The following UGGT2 variants were observed in gnomAD, a reference collection of about 807,000 sequenced individuals.
UGGT2 encodes UDP-glucose:glycoprotein glucosyltransferase 2.
UGGT2 carries 180 observed loss-of-function variants against 192.1 expected under a neutral mutation model. The observed-to-expected ratio is 0.94, with a 90% confidence interval of 0.83 to 1.06. The LOEUF (loss-of-function observed/expected upper bound fraction) is 1.06, where lower values mean the gene tolerates loss of function less well. Among genes scored for constraint, UGGT2 ranks in the 50% least tolerant of loss-of-function variants. UGGT2 has a pLI of 0.00. For missense variants in UGGT2, 1,849 were observed against 1,795.7 expected (o/e 1.03, Z -0.54); for synonymous variants, 580 against 591.0 (o/e 0.98, Z 0.27).
Position 95,936,957 on chromosome 13 carries a change from A to G in UGGT2, c.1944T>C (p.Asp648=), listed in dbSNP as rs148701921. ...CTTCTCTTTGTAAATATACAGATGC[A>G]TCCATCATTCTTTGAAGAACAGCCA... is the stretch of plus-strand genomic sequence containing the variant. ...LKMAVLQRMM[D]ASVYLQREVF... Residue 648 remains aspartate (D), a synonymous_variant, in exon 17 of 39, where the codon GAT becomes GAC. Coordinates refer to ENST00000376747, the MANE Select transcript of UGGT2 (RefSeq NM_020121.4). 142 of 1,592,086 alleles carry G rather than the reference A, an allele frequency of 8.9e-5. No homozygotes were observed. In the African/African-American group the frequency reaches 1.7e-3, roughly 19 times the overall value.
intron 20 of UGGT2, among the ~76,000 whole-genome samples, chr13:95,908,410 T>C (rs1252860948): frequency 6.6e-6 from 1 of 152,092 alleles, no homozygotes; most frequent in Non-Finnish European, 1.5e-5. Flanking sequence ...ATCACAAAAA[T>C]ACTCCTCAAG....
rs1362389227 is a variant in UGGT2 at position 95,877,841 on chromosome 13, T to C, written c.3244A>G (p.Thr1082Ala). The change falls in exon 28 of 39, where the codon ACA becomes GCA. Residue 1082 changes from threonine to alanine, a missense_variant. By Grantham distance (58) the Thr-to-Ala change is moderately conservative. Transcript: ENST00000376747. Reference sequence around the variant, plus strand: ...AAGTATTCTAGTTCATATTCTGCTGTAACAGTTTTCTCAGTCTGTGGAGGA... The same window carrying C: ...AAGTATTCTAGTTCATATTCTGCTGCAACAGTTTTCTCAGTCTGTGGAGGA... Reference protein sequence around the residue: ...IHLKDTEKTVTAEYELEYLLL... With the variant: ...IHLKDTEKTVAAEYELEYLLL... 6.2e-7 allele frequency: 1 copy of C among 1,613,338 alleles called. No individual in the cohort carries two copies. Among genetic ancestry groups the C allele is most frequent in the Admixed American group, 1.7e-5 (1 of 59,960 alleles).
At chr13:95,850,575 C>T (rs1051239206) in intron 36 of UGGT2, among the ~76,000 whole-genome samples, 1 of 152,194 alleles carries the variant, frequency 6.6e-6, no homozygotes, top group Admixed American at 6.5e-5. Context: ...GACATGCTGG[C>T]AGAGATGGAG....
At chr13:95,936,672 C>A (rs1353679080) in intron 17 of UGGT2, among the ~76,000 whole-genome samples, 1 of 152,224 alleles carries the variant, frequency 6.6e-6, no homozygotes, top group African/African-American at 2.4e-5. Flanking sequence ...AACTCCTAAT[C>A]GAGGACAGTG....
At chr13:95,973,858 T>A (rs1042974229) in intron 10 of UGGT2, among the ~76,000 whole-genome samples, 2 of 152,192 alleles carry the variant, frequency 1.3e-5, no homozygotes, top group Non-Finnish European at 2.9e-5. Flanking sequence ...CTATCTCACA[T>A]GTTTGCTATA....
intron 38 of UGGT2, among the ~76,000 whole-genome samples, chr13:95,828,224 A>T (rs1886246816): frequency 6.6e-6 from 1 of 152,158 alleles, no homozygotes; most frequent in South Asian, 2.1e-4. Flanking sequence ...AGCAGGAAAG[A>T]TCTAAAATTG....
At chr13:95,932,311 T>TTGTGTGTGTGTGTGTGTGTGTGTG (rs67135742) in intron 17 of UGGT2, among the ~76,000 whole-genome samples, 9 of 139,508 alleles carry the variant, frequency 6.5e-5, no homozygotes, top group Non-Finnish European at 1.2e-4. Flanking sequence ...GGTATTTTAT[T>TTGTGTGTGTGTGTGTGTGTGTGTG]TGTGTGTGTG....
intron 28 of UGGT2, 43 bp downstream of exon 28, chr13:95,877,654 CA>C (rs1303397644): frequency 6.4e-7 from 1 of 1,567,354 alleles, no homozygotes; most frequent in East Asian, 2.3e-5. Context: ...ACAGAGAATT[CA>C]CCAAAACATC....
At chr13:95,998,597 C>G (rs1022169793) in intron 6 of UGGT2, among the ~76,000 whole-genome samples, 4 of 151,312 alleles carry the variant, frequency 2.6e-5, no homozygotes, top group African/African-American at 7.3e-5. Flanking sequence ...TGACATGAAC[C>G]AGGTAATAAA....
intron 4 of UGGT2, among the ~76,000 whole-genome samples, chr13:96,014,033 C>A (rs571406868): frequency 3.3e-5 from 5 of 152,170 alleles, no homozygotes; most frequent in Admixed American, 2.6e-4. Flanking sequence ...TTAGTAAATT[C>A]TATTTCACAA....
chr13:95,878,305 T>A (rs1227565883), intron 27 of UGGT2, among the ~76,000 whole-genome samples: 3 of 152,122 alleles, frequency 2.0e-5, no homozygotes, highest in Non-Finnish European at 2.9e-5. Flanking sequence ...AAGTTAATTT[T>A]AAAAAATAAA....
At chr13:95,895,008 G>C (rs924965640) in intron 23 of UGGT2, among the ~76,000 whole-genome samples, 172 bp downstream of exon 23, 2 of 152,014 alleles carry the variant, frequency 1.3e-5, no homozygotes, top group Non-Finnish European at 2.9e-5. Context: ...AACATCTACA[G>C]TTTTGTGATG....
chr13:95,940,277 CTA>C (rs541495486), intron 15 of UGGT2, among the ~76,000 whole-genome samples, 186 bp from the exon 16 acceptor site: 221 of 151,642 alleles, frequency 1.5e-3, no homozygotes, highest in African/African-American at 4.8e-3. Flanking sequence ...TTAAAATATT[CTA>C]TAGTTTTCAA....
chr13:95,913,499 T>TG (rs1416098432), intron 20 of UGGT2, among the ~76,000 whole-genome samples: 1 of 152,022 alleles, frequency 6.6e-6, no homozygotes, highest in Non-Finnish European at 1.5e-5. Flanking sequence ...TGCTCATCAC[T>TG]GGTCATCAGA....
chr13:95,947,068 T>C lies in UGGT2; in HGVS notation c.1646A>G (p.Asp549Gly), dbSNP rs750824279. Reference sequence around the variant, plus strand: ...TATAGAAATAAATGCTTCTGATATATCAAATTCTTCTGCAATATAGTTGAA... The same window carrying C: ...TATAGAAATAAATGCTTCTGATATACCAAATTCTTCTGCAATATAGTTGAA... ...RAFNYIAEEF[D>G]ISEAFISIVH... Residue 549 changes from aspartate to glycine, a missense_variant, in exon 15 of 39, where the codon GAT (aspartate) becomes GGT (glycine). Physicochemically the swap from Asp to Gly is moderately conservative, Grantham distance 94. Transcript: ENST00000376747. 1.2e-6 allele frequency: 2 copies of C among 1,607,294 alleles called. No homozygotes were observed. Among genetic ancestry groups the C allele is most frequent in the African/African-American group, 1.3e-5 (1 of 74,504 alleles).
At chr13:96,043,624 C>A (rs1311850251) in intron 1 of UGGT2, among the ~76,000 whole-genome samples, 1 of 152,068 alleles carries the variant, frequency 6.6e-6, no homozygotes, top group East Asian at 1.9e-4. Context: ...AAGAGACTTA[C>A]CTATCACCTA....
At chr13:95,932,668 A>T (rs1191930883) in intron 17 of UGGT2, among the ~76,000 whole-genome samples, 1 of 152,166 alleles carries the variant, frequency 6.6e-6, no homozygotes, top group Non-Finnish European at 1.5e-5. Flanking sequence ...TTCCTGTTCC[A>T]GTCCTCAAGG....
intron 20 of UGGT2, among the ~76,000 whole-genome samples, chr13:95,910,160 G>A (rs1358154522): frequency 6.6e-6 from 1 of 152,128 alleles, no homozygotes. Flanking sequence ...AAGACCATTG[G>A]TGCTATGAAG....
At chr13:95,844,649 A>C (rs1888207337) in intron 36 of UGGT2, among the ~76,000 whole-genome samples, 1 of 152,208 alleles carries the variant, frequency 6.6e-6, no homozygotes, top group African/African-American at 2.4e-5. Context: ...AACTTTGTGA[A>C]ATGCAGTTAT....
Sources: allele counts gnomAD v4.1 joint callset (sites outside exome capture counted in the v4.1 genomes callset), GRCh38; gene constraint gnomAD v4.1.1; transcripts MANE v1.5; gene names NCBI Gene and HGNC (gene_info 2026-07-23, HGNC 2026-07-21).